CFAP61: variants seen among roughly 807,000 people sequenced by gnomAD.
CFAP61 encodes cilia and flagella associated protein 61, also known as cilia- and flagella-associated protein 61.
Under a neutral mutation model 135.6 loss-of-function variants are expected in CFAP61, and 107 were observed. The ratio of observed to expected loss-of-function variants is 0.79; its 90% CI spans 0.67 to 0.93. The LOEUF is 0.93. Among genes scored for constraint, CFAP61 ranks in the 40% least tolerant of loss-of-function variants. The probability of loss-of-function intolerance (pLI) is 0.00; values close to 1 mark genes in which losing one functional copy is unlikely to be tolerated. For missense variants in CFAP61, 1,507 were observed against 1,556.2 expected, an observed-to-expected ratio of 0.97 and a Z score of 0.53; for synonymous variants, 575 against 578.5, an observed-to-expected ratio of 0.99 and a Z score of 0.09.
intron 22 of CFAP61, among the ~76,000 whole-genome samples, chr20:20,283,388 C>T (rs1344751672): frequency 1.3e-5 from 2 of 152,260 alleles, no homozygotes; most frequent in South Asian, 2.1e-4. Flanking sequence ...CTTATGCTTA[C>T]TGTTTACATG....
intron 24 of CFAP61, among the ~76,000 whole-genome samples, chr20:20,292,530 G>A (rs903380760): frequency 2.0e-5 from 3 of 152,210 alleles, no homozygotes; most frequent in African/African-American, 7.2e-5. Context: ...AGGGCACAGT[G>A]GGCACAGATT....
At chr20:20,125,532 G>A (rs2050000789) in intron 8 of CFAP61, among the ~76,000 whole-genome samples, 1 of 151,722 alleles carries the variant, frequency 6.6e-6, no homozygotes, top group Non-Finnish European at 1.5e-5. Context: ...GGTTTTGAAG[G>A]TTCCTTTTGG....
intron 26 of CFAP61, among the ~76,000 whole-genome samples, chr20:20,356,491 GTGAGGGGAGATGGTCACAC>G (rs1569333118): frequency 7.0e-6 from 1 of 143,874 alleles, no homozygotes; most frequent in Non-Finnish European, 1.5e-5. Flanking sequence ...TGGTCACAGT[GTGAGGGGAGATGGTCACAC>G]TGAGGGGAGG....
chr20:20,328,649 A>C (rs955116082), intron 25 of CFAP61, among the ~76,000 whole-genome samples: 1 of 152,334 alleles, frequency 6.6e-6, no homozygotes, highest in African/African-American at 2.4e-5. Flanking sequence ...ATAGGGGGTT[A>C]ATATCCAAAA....
intron 25 of CFAP61, among the ~76,000 whole-genome samples, chr20:20,305,232 C>A (rs1601918345): frequency 1.3e-5 from 2 of 152,320 alleles, no homozygotes; most frequent in East Asian, 1.9e-4. Flanking sequence ...CTGCCATTAC[C>A]ATTTTGAACT....
At chr20:20,110,699 T>C (rs1389650721) in intron 8 of CFAP61, among the ~76,000 whole-genome samples, 1 of 152,174 alleles carries the variant, frequency 6.6e-6, no homozygotes, top group East Asian at 1.9e-4. Context: ...TCATGGCTGT[T>C]TCCTGGAGCG....
chr20:20,322,644 C>G, intron 25 of CFAP61: 1 of 982,550 alleles, frequency 1.0e-6, no homozygotes, highest in South Asian at 4.7e-5. Context: ...CCTTCCCTTC[C>G]AGTCCCATGG....
At chr20:20,145,009 C>A (rs1248256115) in intron 9 of CFAP61, among the ~76,000 whole-genome samples, 1 of 152,118 alleles carries the variant, frequency 6.6e-6, no homozygotes, top group Non-Finnish European at 1.5e-5. Flanking sequence ...CACCAGCAGA[C>A]CCACATTACG....
At chr20:20,329,137 T>C (rs2057881340) in intron 25 of CFAP61, among the ~76,000 whole-genome samples, 1 of 151,962 alleles carries the variant, frequency 6.6e-6, no homozygotes. Context: ...ACTGCCCCCC[T>C]GATCCCACCA....
At chr20:20,237,413 G>A (rs1160900499) in intron 18 of CFAP61, among the ~76,000 whole-genome samples, 1 of 151,944 alleles carries the variant, frequency 6.6e-6, no homozygotes, top group African/African-American at 2.4e-5. Context: ...AGCTGGGCAA[G>A]ATGGCACCCA....
chr20:20,319,532 C>A (rs1251421852), intron 25 of CFAP61, among the ~76,000 whole-genome samples: 1 of 152,170 alleles, frequency 6.6e-6, no homozygotes, highest in Non-Finnish European at 1.5e-5. Context: ...GTGCGTAGCA[C>A]CTCCCCTTCT....
intron 9 of CFAP61, among the ~76,000 whole-genome samples, chr20:20,148,267 TG>T: frequency 6.6e-6 from 1 of 152,320 alleles, no homozygotes; most frequent in South Asian, 2.1e-4. Context: ...ATTTTCAGAT[TG>T]TTTTTTCTAG....
chr20:20,265,199 C>T (rs138548656), intron 21 of CFAP61, among the ~76,000 whole-genome samples: 50 of 152,298 alleles, frequency 3.3e-4, no homozygotes, highest in African/African-American at 1.2e-3. Flanking sequence ...TAAGACTGCA[C>T]CCAATCCTGT....
intron 26 of CFAP61, 132 bp from the exon 27 acceptor site, chr20:20,360,078 T>A (rs2059418544): frequency 1.4e-6 from 1 of 714,320 alleles, no homozygotes; most frequent in South Asian, 1.7e-5. Context: ...AAAAATAAAT[T>A]TTCAAAAGCT....
intron 17 of CFAP61, among the ~76,000 whole-genome samples, chr20:20,204,936 C>A (rs1300812122): frequency 1.3e-5 from 2 of 152,170 alleles, no homozygotes; most frequent in Non-Finnish European, 2.9e-5. Context: ...TTTCCTTCTA[C>A]TTATAGTGAA....
At chr20:20,053,687 G>T (rs1254318691) in intron 1 of CFAP61, among the ~76,000 whole-genome samples, 1 of 152,044 alleles carries the variant, frequency 6.6e-6, no homozygotes, top group Non-Finnish European at 1.5e-5. Flanking sequence ...CAACATCAAT[G>T]TATTTGCCAT....
intron 25 of CFAP61, among the ~76,000 whole-genome samples, chr20:20,327,777 C>CAAAGA (rs2057807393): frequency 1.7e-5 from 1 of 60,344 alleles, no homozygotes; most frequent in Non-Finnish European, 3.1e-5. Flanking sequence ...AAGAGCCTGT[C>CAAAGA]AAAAAAAAAA....
intron 20 of CFAP61, among the ~76,000 whole-genome samples, 173 bp downstream of exon 20, chr20:20,251,936 T>C (rs1037022264): frequency 6.6e-6 from 1 of 152,236 alleles, no homozygotes; most frequent in Non-Finnish European, 1.5e-5. Flanking sequence ...ACCAGAATTA[T>C]GTCCGCAAAC....
At chr20:20,336,523 G>C (rs542725398) in intron 25 of CFAP61, among the ~76,000 whole-genome samples, 5 of 152,108 alleles carry the variant, frequency 3.3e-5, no homozygotes, top group African/African-American at 1.2e-4. Context: ...TATTTGAGAG[G>C]CTGAGGCAGG....
Sources: gnomAD v4.1 joint callset for allele counts (sites outside exome capture counted in the v4.1 genomes callset) on GRCh38, gnomAD v4.1.1 for gene constraint, MANE v1.5 for transcripts, NCBI Gene and HGNC (gene_info 2026-07-23, HGNC 2026-07-21) for gene names.